The following NUCKS1 variants were observed in gnomAD, a reference collection of about 807,000 sequenced individuals.
The protein encoded by NUCKS1 is nuclear ubiquitous casein and cyclin-dependent kinase substrate 1.
A neutral mutation model predicts 33.0 loss-of-function variants in NUCKS1; 2 were observed. That is an observed-to-expected ratio of 0.06 (90% confidence interval 0.02 to 0.19). The LOEUF (loss-of-function observed/expected upper bound fraction) is 0.19. Among genes scored for constraint, NUCKS1 ranks in the 10% least tolerant of loss-of-function variants. The pLI is 1.00. For missense variants in NUCKS1, 201 were observed against 293.6 expected, an observed-to-expected ratio of 0.68 and a Z score of 2.31; for synonymous variants, 106 against 102.8, an observed-to-expected ratio of 1.03 and a Z score of -0.19.
chr1:205,730,489 CTCTCT>C (rs1330470911), intron 1 of NUCKS1, among the ~76,000 whole-genome samples: 1 of 151,654 alleles, frequency 6.6e-6, no homozygotes, highest in Non-Finnish European at 1.5e-5. Context: ...ATTCTTTTCT[CTCTCT>C]TTTTTTTTTT....
intron 1 of NUCKS1, among the ~76,000 whole-genome samples, chr1:205,739,980 CCTG>C (rs1281925827): frequency 2.1e-5 from 3 of 144,410 alleles, no homozygotes; most frequent in African/African-American, 7.5e-5. Flanking sequence ...TTTACATCAT[CCTG>C]CTATTTACTT....
chr1:205,736,125 A>AT (rs1287510350), intron 1 of NUCKS1, among the ~76,000 whole-genome samples: 2 of 151,340 alleles, frequency 1.3e-5, no homozygotes, highest in African/African-American at 2.4e-5. Context: ...TAAATTAAAA[A>AT]TTTTTTTTTG....
Position 205,717,334 on chromosome 1 carries a change from TG to T in NUCKS1, c.*945del. The T allele has an allele frequency of 1.0e-6, 1 of 987,350 alleles. No homozygotes were observed. 61.2% of individuals were successfully genotyped at this position (987,350 alleles called of 1,614,324 possible). A position where few individuals can be genotyped will look rare whatever the true frequency, so the allele number is the denominator to read the frequency against. Reference sequence around the variant, plus strand: ...CTTTATTTGCTTAAAACCTAAACATTGTCAGTTTGAAAAGAAATCCACTGTG... The same window carrying T: ...CTTTATTTGCTTAAAACCTAAACATTTCAGTTTGAAAAGAAATCCACTGTG... On this transcript the variant is annotated 3_prime_UTR_variant, in exon 7 of 7. Transcript: ENST00000367142.
At chr1:205,732,890 T>G (rs1571580267) in intron 1 of NUCKS1, among the ~76,000 whole-genome samples, 1 of 152,108 alleles carries the variant, frequency 6.6e-6, no homozygotes, top group East Asian at 1.9e-4. Context: ...CTAATATTTT[T>G]GGGCTACTAT....
chr1:205,725,299 C>T (rs769370405), intron 3 of NUCKS1, among the ~76,000 whole-genome samples: 2 of 152,218 alleles, frequency 1.3e-5, no homozygotes, highest in South Asian at 2.1e-4. Context: ...ACCAAAAACT[C>T]GCACATAAAA....
At chr1:205,737,021 T>C (rs1279165764) in intron 1 of NUCKS1, among the ~76,000 whole-genome samples, 1 of 152,114 alleles carries the variant, frequency 6.6e-6, no homozygotes, top group African/African-American at 2.4e-5. Context: ...AGCTAAATAC[T>C]AGGGCTCCTT....
intron 1 of NUCKS1, among the ~76,000 whole-genome samples, chr1:205,742,659 C>T (rs1654207703): frequency 1.3e-5 from 2 of 152,100 alleles, no homozygotes; most frequent in African/African-American, 4.8e-5. Flanking sequence ...CCCGTCTCTA[C>T]TAAAAATACT....
intron 1 of NUCKS1, among the ~76,000 whole-genome samples, chr1:205,740,579 T>C (rs545505627): frequency 6.3e-4 from 95 of 151,952 alleles, no homozygotes; most frequent in Non-Finnish European, 1.0e-3. Context: ...CACTGCACTC[T>C]AGCCTGAGCG....
At chr1:205,732,034 C>T (rs564171113) in intron 1 of NUCKS1, among the ~76,000 whole-genome samples, 1 of 152,204 alleles carries the variant, frequency 6.6e-6, no homozygotes, top group East Asian at 1.9e-4. Flanking sequence ...CACTGGTCCA[C>T]CTTCTAGTAT....
intron 5 of NUCKS1, 97 bp downstream of exon 5, chr1:205,720,404 T>C (rs1671899142): frequency 1.6e-6 from 2 of 1,246,668 alleles, no homozygotes; most frequent in African/African-American, 3.0e-5. Context: ...AAGGGACTGG[T>C]TGTAACATTT....
chr1:205,719,218 A>G (rs891395769), intron 6 of NUCKS1, among the ~76,000 whole-genome samples: 1 of 152,222 alleles, frequency 6.6e-6, no homozygotes, highest in Non-Finnish European at 1.5e-5. Flanking sequence ...AGGAAAAAAG[A>G]GCAGTAACAA....
Position 205,716,265 on chromosome 1 carries a change from A to G in NUCKS1, c.*2015T>C, listed in dbSNP as rs1168606826. 6.6e-6 allele frequency: 1 copy of G among 152,224 alleles called. No homozygotes were observed. Among genetic ancestry groups the G allele is most frequent in the Non-Finnish European group, 1.5e-5 (1 of 68,030 alleles). 9.4% of individuals were successfully genotyped at this position (152,224 alleles called of 1,614,324 possible). A position where few individuals can be genotyped will look rare whatever the true frequency, so the allele number is the denominator to read the frequency against. ...CCCTCCCCCCAAATCTTCACGAAACATAACCTAAGAAAAGCCCAAATGTTA... is the reference window on the plus strand; with the variant it reads ...CCCTCCCCCCAAATCTTCACGAAACGTAACCTAAGAAAAGCCCAAATGTTA... On this transcript the variant is annotated 3_prime_UTR_variant, in exon 7 of 7. Transcript: ENST00000367142.
chr1:205,729,968 C>T (rs1208239383), intron 1 of NUCKS1, among the ~76,000 whole-genome samples: 2 of 151,416 alleles, frequency 1.3e-5, no homozygotes, highest in African/African-American at 4.9e-5. Context: ...TTGTGGTGAG[C>T]CGAGATACCT....
At chr1:205,729,410 A>C (rs1436601389) in intron 2 of NUCKS1, among the ~76,000 whole-genome samples, 162 bp downstream of exon 2, 9 of 152,252 alleles carry the variant, frequency 5.9e-5, no homozygotes. Flanking sequence ...AATCCATGTA[A>C]GTTCAACTTT....
chr1:205,729,691 T>C, intron 1 of NUCKS1, 70 bp from the exon 2 acceptor site: 1 of 1,141,720 alleles, frequency 8.8e-7, no homozygotes, highest in Admixed American at 1.8e-5. Flanking sequence ...AGAACACACA[T>C]TTCTCTTTCA....
chr1:205,720,456 C>T (rs1671899758), intron 5 of NUCKS1, 45 bp downstream of exon 5: 1 of 1,586,340 alleles, frequency 6.3e-7, no homozygotes, highest in South Asian at 1.1e-5. Context: ...TCACAAACTA[C>T]AATTATGACC....
chr1:205,736,948 AT>A (rs201333023), intron 1 of NUCKS1, among the ~76,000 whole-genome samples: 3,120 of 152,226 alleles, frequency 0.02, 44 homozygotes, highest in African/African-American at 0.028. Flanking sequence ...CATGGTCTAA[AT>A]CTAACCCCTC....
intron 5 of NUCKS1, 99 bp downstream of exon 5, chr1:205,720,402 G>C: frequency 8.3e-7 from 1 of 1,201,208 alleles, no homozygotes. Context: ...TTAAGGGACT[G>C]GTTGTAACAT....
chr1:205,723,872 A>T, intron 4 of NUCKS1, 54 bp downstream of exon 4: 1 of 1,266,632 alleles, frequency 7.9e-7, no homozygotes, highest in South Asian at 1.3e-5. Context: ...AAAACATCTA[A>T]TAAAATAATA....
Sources: gnomAD v4.1 joint callset for allele counts (sites outside exome capture counted in the v4.1 genomes callset) on GRCh38, gnomAD v4.1.1 for gene constraint, MANE v1.5 for transcripts, NCBI Gene and HGNC (gene_info 2026-07-23, HGNC 2026-07-21) for gene names.